BMP6: variants seen among roughly 807,000 people sequenced by gnomAD.
The protein encoded by BMP6 is bone morphogenetic protein 6, also known as VG-1-R.
Under a neutral mutation model 54.1 loss-of-function variants are expected in BMP6, and 17 were observed. The ratio of observed to expected loss-of-function variants is 0.31; its 90% CI spans 0.22 to 0.47. BMP6 has a LOEUF of 0.47. BMP6 is among the 20% of genes least tolerant of loss of function. The pLI is 1.00. For synonymous variants in BMP6, 328 were observed against 291.2 expected, an observed-to-expected ratio of 1.13 and a Z score of -1.28; for missense variants, 720 against 690.4, an observed-to-expected ratio of 1.04 and a Z score of -0.48.
chr6:7,852,774 C>T (rs1347420991), intron 2 of BMP6, among the ~76,000 whole-genome samples: 2 of 152,114 alleles, frequency 1.3e-5, no homozygotes, highest in East Asian at 3.9e-4. Flanking sequence ...AACTCCTCGT[C>T]CCATATAAAC....
Position 7,862,517 on chromosome 6 carries a change from T to C in BMP6, c.1204+19T>C. On this transcript the variant is annotated intron_variant, in intron 4 of 6. Transcript: ENST00000283147. ...GCTTCAGGTGGGTTTGTGGGGAGCC[T>C]GTGTTTCCAGAAAGCCTTGTTGGCC... 1 of 1,612,826 alleles carries C rather than the reference T, an allele frequency of 6.2e-7. No individual in the cohort carries two copies. Among genetic ancestry groups the C allele is most frequent in the East Asian group, 2.2e-5 (1 of 44,854 alleles).
chr6:7,836,048 C>T (rs1255535747), intron 1 of BMP6, among the ~76,000 whole-genome samples: 2 of 152,058 alleles, frequency 1.3e-5, no homozygotes, highest in Non-Finnish European at 2.9e-5. Flanking sequence ...CCCGTGTTGG[C>T]CAGGCCGGTC....
chr6:7,866,523 G>A (rs1759427241), intron 4 of BMP6, among the ~76,000 whole-genome samples: 1 of 152,220 alleles, frequency 6.6e-6, no homozygotes, highest in Non-Finnish European at 1.5e-5. Flanking sequence ...TGGCCTTGAA[G>A]TTCCATTGGG....
intron 1 of BMP6, among the ~76,000 whole-genome samples, chr6:7,844,872 T>C (rs898523261): frequency 6.6e-6 from 1 of 152,206 alleles, no homozygotes; most frequent in Non-Finnish European, 1.5e-5. Context: ...CATAACTTGC[T>C]CTCATGCAAA....
intron 1 of BMP6, among the ~76,000 whole-genome samples, chr6:7,812,000 C>A (rs1003623228): frequency 2.6e-5 from 4 of 152,176 alleles, no homozygotes; most frequent in African/African-American, 9.7e-5. Flanking sequence ...TTTGTATCAA[C>A]ATAGGCAGGT....
intron 2 of BMP6, among the ~76,000 whole-genome samples, chr6:7,845,997 G>A (rs1427445942): frequency 2.6e-5 from 4 of 152,146 alleles, no homozygotes; most frequent in African/African-American, 7.2e-5. Context: ...TTTTATAGTC[G>A]TTAGTACAGA....
intron 1 of BMP6, among the ~76,000 whole-genome samples, chr6:7,813,931 G>A (rs1275557780): frequency 6.6e-6 from 1 of 152,128 alleles, no homozygotes; most frequent in Non-Finnish European, 1.5e-5. Context: ...CCAGCTTGGG[G>A]ACATCCAGGT....
At chr6:7,787,606 G>A (rs986357682) in intron 1 of BMP6, among the ~76,000 whole-genome samples, 18 of 152,312 alleles carry the variant, frequency 1.2e-4, no homozygotes, top group African/African-American at 4.1e-4. Flanking sequence ...CATTTGCTTT[G>A]TGTGGTGTGC....
chr6:7,741,690 C>G (rs1400031714), intron 1 of BMP6, among the ~76,000 whole-genome samples: 1 of 152,256 alleles, frequency 6.6e-6, no homozygotes. Flanking sequence ...GCTTTGGCCT[C>G]CAAAAGTGCT....
In BMP6 at chr6:7,731,790, A is replaced by C. The variant is rs545133456; in HGVS notation, c.664+4171A>C. Among the ~76,000 whole-genome samples the C allele has an allele frequency of 5.9e-5, 9 of 152,344 alleles. No individual in the cohort carries two copies. In the South Asian group the frequency reaches 1.9e-3, roughly 32 times the overall value. On this transcript the variant is annotated intron_variant, in intron 1 of 6. Coordinates refer to ENST00000283147, the MANE Select transcript of BMP6 (RefSeq NM_001718.6). ...GCTTTATTAATACACCTTTTTTATT[A>C]GTCACCCATATGTATATTAATTTGT...
chr6:7,746,322 C>G (rs1757346427), intron 1 of BMP6, among the ~76,000 whole-genome samples: 3 of 152,142 alleles, frequency 2.0e-5, no homozygotes, highest in Admixed American at 2.0e-4. Flanking sequence ...GAACTATTTA[C>G]AACTTTTTAG....
intron 1 of BMP6, among the ~76,000 whole-genome samples, chr6:7,736,889 T>C (rs1306261948): frequency 6.6e-6 from 1 of 152,050 alleles, no homozygotes; most frequent in Admixed American, 6.6e-5. Flanking sequence ...AGGAAACCTC[T>C]TAAAAATGGG....
At chr6:7,866,996 A>G (rs1356204214) in intron 4 of BMP6, among the ~76,000 whole-genome samples, 2 of 152,054 alleles carry the variant, frequency 1.3e-5, no homozygotes, top group African/African-American at 4.8e-5. Context: ...TCAGCCTCCC[A>G]AGTAGCTGGG....
chr6:7,766,964 A>AT (rs11414188), intron 1 of BMP6, among the ~76,000 whole-genome samples: 87,577 of 148,986 alleles, frequency 0.59, 27,028 homozygotes, highest in Non-Finnish European at 0.7. Context: ...TTATTTATTT[A>AT]TTTATTTTTT....
At chr6:7,860,419 C>T (rs1418952406) in intron 2 of BMP6, among the ~76,000 whole-genome samples, 1 of 152,168 alleles carries the variant, frequency 6.6e-6, no homozygotes, top group Non-Finnish European at 1.5e-5. Context: ...CCATCTCATT[C>T]TAGTGGCCAT....
chr6:7,757,127 G>A (rs1757528131), intron 1 of BMP6, among the ~76,000 whole-genome samples: 1 of 152,160 alleles, frequency 6.6e-6, no homozygotes, highest in African/African-American at 2.4e-5. Context: ...ACCCTATTTG[G>A]TAGCCCTCTC....
intron 5 of BMP6, among the ~76,000 whole-genome samples, chr6:7,879,504 T>C (rs748398567): frequency 6.6e-6 from 1 of 152,160 alleles, no homozygotes; most frequent in Non-Finnish European, 1.5e-5. Flanking sequence ...TGGAAAAAAA[T>C]TACCTAATGG....
intron 1 of BMP6, among the ~76,000 whole-genome samples, chr6:7,751,389 G>A (rs933575879): frequency 1.3e-5 from 2 of 152,088 alleles, no homozygotes; most frequent in African/African-American, 4.8e-5. Flanking sequence ...TATTATAAAA[G>A]CAATTTTGTT....
At chr6:7,812,359 G>A (rs1287192283) in intron 1 of BMP6, among the ~76,000 whole-genome samples, 1 of 152,138 alleles carries the variant, frequency 6.6e-6, no homozygotes, top group Non-Finnish European at 1.5e-5. Flanking sequence ...TAGACTTTGG[G>A]CAACTGAAAT....
Sources: gnomAD v4.1 joint callset for allele counts (sites outside exome capture counted in the v4.1 genomes callset) on GRCh38, gnomAD v4.1.1 for gene constraint, MANE v1.5 for transcripts, NCBI Gene and HGNC (gene_info 2026-07-23, HGNC 2026-07-21) for gene names.